Variants in DTWD2 observed in about 807,000 individuals in gnomAD.
DTWD2 encodes tRNA-uridine aminocarboxypropyltransferase 2.
Under a neutral mutation model 31.8 loss-of-function variants are expected in DTWD2, and 39 were observed. The observed-to-expected ratio is 1.22, with a 90% CI of 0.95 to 1.60. The LOEUF is 1.60. DTWD2 is among the 40% of genes most tolerant of loss of function. The probability of loss-of-function intolerance (pLI) is 0.00; values close to 1 mark genes in which losing one functional copy is unlikely to be tolerated. For missense variants in DTWD2, 515 were observed against 381.5 expected (o/e 1.35, Z -2.92); for synonymous variants, 180 against 142.8 (o/e 1.26, Z -1.86).
chr5:118,976,501 A>AG (rs1237758680), intron 1 of DTWD2, among the ~76,000 whole-genome samples: 1 of 152,228 alleles, frequency 6.6e-6, no homozygotes, highest in Non-Finnish European at 1.5e-5. Flanking sequence ...AAGATGATAA[A>AG]GGGGGTATCA....
In DTWD2 at chr5:118,837,274, C is replaced by T. The variant is rs1751595023; in HGVS notation, c.*3643G>A. The T allele has an allele frequency of 6.6e-6, 1 of 152,084 alleles. No individual in the cohort carries two copies. Among genetic ancestry groups the T allele is most frequent in the Non-Finnish European group, 1.5e-5 (1 of 68,002 alleles). 9.4% of individuals were successfully genotyped at this position (152,084 alleles called of 1,614,324 possible). ...CAATTTAAGAGAGTAATTCATTCTA[C>T]AAAAAGCCTACTTATGGGGCAAATT... On this transcript the variant is annotated 3_prime_UTR_variant, in exon 6 of 6. Transcript: ENST00000510708.
At chr5:118,981,624 C>T (rs539734969) in intron 1 of DTWD2, among the ~76,000 whole-genome samples, 1 of 152,226 alleles carries the variant, frequency 6.6e-6, no homozygotes, top group East Asian at 1.9e-4. Flanking sequence ...ACAGTGGCAC[C>T]TTCTTACCTT....
chr5:118,905,142 T>C (rs1580797856), intron 4 of DTWD2, among the ~76,000 whole-genome samples: 2 of 152,180 alleles, frequency 1.3e-5, no homozygotes, highest in South Asian at 4.1e-4. Flanking sequence ...AGTATAAGCA[T>C]ATGTTTTAAA....
chr5:118,947,211 G>A (rs990692489), intron 1 of DTWD2, among the ~76,000 whole-genome samples: 2 of 152,084 alleles, frequency 1.3e-5, no homozygotes, highest in Non-Finnish European at 1.5e-5. Flanking sequence ...GTGAGTACTC[G>A]TGACCCCTGA....
chr5:118,928,767 G>A (rs1430559470), intron 3 of DTWD2, 38 bp from the exon 4 acceptor site: 4 of 1,444,192 alleles, frequency 2.8e-6, no homozygotes, highest in Non-Finnish European at 3.7e-6. Flanking sequence ...TTATTAGCTT[G>A]TGAGGAAAAA....
At chr5:118,919,383 CA>C (rs1753651632) in intron 4 of DTWD2, among the ~76,000 whole-genome samples, 1 of 152,186 alleles carries the variant, frequency 6.6e-6, no homozygotes, top group Non-Finnish European at 1.5e-5. Context: ...GAAGTATGAG[CA>C]AATGACTCAG....
intron 1 of DTWD2, among the ~76,000 whole-genome samples, chr5:118,951,700 A>G (rs1323600056): frequency 6.6e-6 from 1 of 151,920 alleles, no homozygotes; most frequent in African/African-American, 2.4e-5. Flanking sequence ...AAGAAGGAGG[A>G]ATGGAGGGTG....
rs140333546 is a variant in DTWD2 at position 118,888,091 on chromosome 5, T to C, written c.598-39873A>G. On this transcript the variant is annotated intron_variant, in intron 4 of 5. Transcript: ENST00000510708. ...TGTTCCATTTATGTTTTTAGTACTTTACTAAAGTAAAATTGACATAAACTG... is the reference window on the plus strand; with the variant it reads ...TGTTCCATTTATGTTTTTAGTACTTCACTAAAGTAAAATTGACATAAACTG... Among the ~76,000 whole-genome samples the C allele has an allele frequency of 3.7e-3, 565 of 152,358 alleles. 8 individuals carry two copies. The highest frequency in any genetic ancestry group is 0.029 in the East Asian group (149 of 5,190).
chr5:118,887,429 A>G (rs1229292264), intron 4 of DTWD2, among the ~76,000 whole-genome samples: 4 of 114,800 alleles, frequency 3.5e-5, no homozygotes, highest in Non-Finnish European at 5.8e-5. Flanking sequence ...GACTGTGTAC[A>G]TGTCCAAATG....
intron 1 of DTWD2, among the ~76,000 whole-genome samples, chr5:118,964,809 G>A (rs1463796746): frequency 3.9e-5 from 6 of 152,252 alleles, no homozygotes; most frequent in Admixed American, 6.5e-5. Flanking sequence ...CCTCCCAGCC[G>A]CCTGCCTTGG....
intron 4 of DTWD2, among the ~76,000 whole-genome samples, chr5:118,872,724 T>C (rs530972433): frequency 4.6e-5 from 7 of 152,124 alleles, no homozygotes; most frequent in Non-Finnish European, 1.0e-4. Context: ...ATTGTAAGAA[T>C]TACCAAAATG....
chr5:118,987,943 T>C (rs1023110614), intron 1 of DTWD2, among the ~76,000 whole-genome samples: 12 of 152,250 alleles, frequency 7.9e-5, no homozygotes, highest in Non-Finnish European at 1.2e-4. Flanking sequence ...AACTGTGATA[T>C]AACTATGCCA....
intron 1 of DTWD2, among the ~76,000 whole-genome samples, chr5:118,952,291 G>A (rs145700059): frequency 6.6e-6 from 1 of 152,284 alleles, no homozygotes; most frequent in African/African-American, 2.4e-5. Flanking sequence ...AATGTCACGC[G>A]CGTCCGTGTG....
At chr5:118,895,235 A>C (rs966141315) in intron 4 of DTWD2, among the ~76,000 whole-genome samples, 25 of 152,196 alleles carry the variant, frequency 1.6e-4, no homozygotes, top group Non-Finnish European at 3.1e-4. Context: ...CAACCTGAAA[A>C]AATCAAGAAA....
chr5:118,868,838 T>TAAAA (rs758949446), intron 4 of DTWD2, among the ~76,000 whole-genome samples: 4 of 107,832 alleles, frequency 3.7e-5, no homozygotes, highest in Non-Finnish European at 3.8e-5. Flanking sequence ...CCCTGTCTCT[T>TAAAA]AAAAAAAAAA....
At chr5:118,925,032 T>C (rs1158397724) in intron 4 of DTWD2, among the ~76,000 whole-genome samples, 1 of 152,216 alleles carries the variant, frequency 6.6e-6, no homozygotes, top group Non-Finnish European at 1.5e-5. Context: ...TTTAGTCTCA[T>C]CTAAAAACAA....
At chr5:118,884,217 CAT>C (rs1752805169) in intron 4 of DTWD2, among the ~76,000 whole-genome samples, 1 of 152,178 alleles carries the variant, frequency 6.6e-6, no homozygotes, top group East Asian at 1.9e-4. Flanking sequence ...TACATACATA[CAT>C]ACATGTAGTT....
At chr5:118,965,717 T>C (rs1310310661) in intron 1 of DTWD2, among the ~76,000 whole-genome samples, 1 of 152,140 alleles carries the variant, frequency 6.6e-6, no homozygotes, top group East Asian at 1.9e-4. Context: ...ATGTGCTTTG[T>C]TAAACAGATG....
intron 4 of DTWD2, among the ~76,000 whole-genome samples, chr5:118,865,020 C>CACACACACACAA (rs1376744690): frequency 3.9e-5 from 6 of 151,980 alleles, no homozygotes; most frequent in African/African-American, 1.4e-4. Context: ...AAAATTTAAA[C>CACACACACACAA]ACACACACAC....
Sources: allele counts gnomAD v4.1 joint callset (sites outside exome capture counted in the v4.1 genomes callset), GRCh38; gene constraint gnomAD v4.1.1; transcripts MANE v1.5; gene names NCBI Gene and HGNC (gene_info 2026-07-23, HGNC 2026-07-21).